The following RAD54L2 variants were observed in gnomAD, a reference collection of about 807,000 sequenced individuals.
The protein encoded by RAD54L2 is RAD54 like 2.
A neutral mutation model predicts 138.4 loss-of-function variants in RAD54L2; 27 were observed. The ratio of observed to expected loss-of-function variants is 0.20; its 90% CI spans 0.14 to 0.27. The LOEUF (loss-of-function observed/expected upper bound fraction) is 0.27. Among genes scored for constraint, RAD54L2 ranks in the 10% least tolerant of loss-of-function variants. RAD54L2 has a pLI of 1.00. For missense variants in RAD54L2, 1,396 were observed against 1,890.2 expected (o/e 0.74, Z 4.85); for synonymous variants, 644 against 723.2 (o/e 0.89, Z 1.76).
At chr3:51,580,692 G>C (rs9857893) in intron 2 of RAD54L2, among the ~76,000 whole-genome samples, 4,969 of 152,146 alleles carry the variant, frequency 0.033, 291 homozygotes, top group African/African-American at 0.11. Context: ...TGGGAACCTG[G>C]GACAGAGACC....
At chr3:51,588,289 C>T (rs185930915) in intron 2 of RAD54L2, among the ~76,000 whole-genome samples, 109 of 139,286 alleles carry the variant, frequency 7.8e-4, no homozygotes, top group African/African-American at 2.6e-3. Flanking sequence ...AATCCCAGCA[C>T]TTTGGGAGGC....
rs769771826 is a variant in RAD54L2, at chr3:51,638,274, G to A, written c.1813G>A (p.Gly605Ser). The change falls in exon 12 of 23, where the codon GGT becomes AGT. Residue 605 changes from glycine to serine, a missense_variant. Physicochemically the swap from Gly to Ser is moderately conservative, Grantham distance 56. Coordinates refer to ENST00000684192, the MANE Select transcript of RAD54L2 (RefSeq NM_015106.4). This position sits in a 1 kb window ranked among gnomAD's most constrained non-coding sequence, Gnocchi z 4.3. ...TCGCTTCCGGGACTGTGGTAGCAGC[G>A]GTTGGCTGGGGCTGAACCCCCTTAA... Reference protein sequence around the residue: ...MDRFRDCGSSGWLGLNPLKAF... With the variant: ...MDRFRDCGSSSWLGLNPLKAF... The A allele has an allele frequency of 4.3e-6, 7 of 1,613,864 alleles. No homozygotes were observed. The highest frequency in any genetic ancestry group is 4.5e-5 in the East Asian group (2 of 44,896).
Position 51,666,920 on chromosome 3 carries a change from C to T in RAD54L2, c.*3500C>T, listed in dbSNP as rs994830737. Reference sequence around the variant, plus strand: ...ATTCACAACTAAATATGAAATTTCTCAATTCAGGAGCAGGAAGCAAAGTGC... The same window carrying T: ...ATTCACAACTAAATATGAAATTTCTTAATTCAGGAGCAGGAAGCAAAGTGC... On this transcript the variant is annotated 3_prime_UTR_variant, in exon 23 of 23. Transcript: ENST00000684192. The T allele has an allele frequency of 4.6e-5, 7 of 152,260 alleles. No individual in the cohort carries two copies. Among genetic ancestry groups the T allele is most frequent in the African/African-American group, 7.2e-5 (3 of 41,528 alleles). 9.4% of individuals were successfully genotyped at this position (152,260 alleles called of 1,614,324 possible).
rs373583776 is a variant in RAD54L2, at chr3:51,556,340, A to G, written c.-55+14690A>G. Among the ~76,000 whole-genome samples, 14 of 152,000 alleles carry G rather than the reference A, an allele frequency of 9.2e-5. No individual in the cohort carries two copies. The East Asian group carries it at 1.2e-3, about 13-fold the overall frequency. On this transcript the variant is annotated intron_variant, in intron 2 of 22. Coordinates refer to ENST00000684192, the MANE Select transcript of RAD54L2 (RefSeq NM_015106.4). ...ACCCAGGCTGTAGTGCAGTGGTGCA[A>G]TCTGCTCCCTATGGCCTCAACCTCC...
At chr3:51,600,917 A>G (rs1450790274) in intron 3 of RAD54L2, among the ~76,000 whole-genome samples, 5 of 151,932 alleles carry the variant, frequency 3.3e-5, no homozygotes, top group South Asian at 4.2e-4. Context: ...CAGTGAGCCA[A>G]GATCACGCCA....
chr3:51,567,744 C>T (rs1486300832), intron 2 of RAD54L2, among the ~76,000 whole-genome samples: 1 of 151,598 alleles, frequency 6.6e-6, no homozygotes, highest in Non-Finnish European at 1.5e-5. Context: ...AAAGAGTAAA[C>T]TCCAGTTGCT....
rs766166111 is a variant in RAD54L2 at position 51,554,473 on chromosome 3, G to T, written c.-55+12823G>T. Among the ~76,000 whole-genome samples, 4 of 152,022 alleles carry T rather than the reference G, an allele frequency of 2.6e-5. No individual in the cohort carries two copies. In the South Asian group the frequency reaches 8.3e-4, roughly 32 times the overall value. On this transcript the variant is annotated intron_variant, in intron 2 of 22. Coordinates refer to ENST00000684192, the MANE Select transcript of RAD54L2 (RefSeq NM_015106.4). ...CGGGAGGCAGAGGTTGCAACGAGCCGAGATGATATTATTGCACTCCAGCCT... is the reference window on the plus strand; with the variant it reads ...CGGGAGGCAGAGGTTGCAACGAGCCTAGATGATATTATTGCACTCCAGCCT...
intron 3 of RAD54L2, among the ~76,000 whole-genome samples, chr3:51,617,929 G>A (rs1700484523): frequency 6.6e-6 from 1 of 151,782 alleles, no homozygotes; most frequent in Non-Finnish European, 1.5e-5. Flanking sequence ...AATAAATAAT[G>A]TATATTTAAT....
At chr3:51,631,446 G>A (rs1700839844) in intron 7 of RAD54L2, among the ~76,000 whole-genome samples, 1 of 145,248 alleles carries the variant, frequency 6.9e-6, no homozygotes, top group Non-Finnish European at 1.5e-5. Context: ...TTTCTCCTGA[G>A]ACAGGGTCTT....
intron 19 of RAD54L2, among the ~76,000 whole-genome samples, chr3:51,647,584 G>C (rs902766931): frequency 6.6e-6 from 1 of 152,128 alleles, no homozygotes; most frequent in Non-Finnish European, 1.5e-5. Flanking sequence ...CAGGAGAATT[G>C]CTTGAATCTG....
chr3:51,591,533 T>G (rs531673777), intron 3 of RAD54L2, among the ~76,000 whole-genome samples: 3 of 152,306 alleles, frequency 2.0e-5, no homozygotes, highest in Non-Finnish European at 1.5e-5. Context: ...TCATGTGGCT[T>G]GGGAATCCGT....
chr3:51,592,157 T>C (rs1029803086), intron 3 of RAD54L2, among the ~76,000 whole-genome samples: 12 of 136,368 alleles, frequency 8.8e-5, no homozygotes, highest in African/African-American at 3.3e-4. Flanking sequence ...CTTCACCTCC[T>C]GGTTCAAGCG....
chr3:51,648,883 A>G (rs1701355715), intron 19 of RAD54L2, among the ~76,000 whole-genome samples: 1 of 152,158 alleles, frequency 6.6e-6, no homozygotes, highest in Admixed American at 6.5e-5. Flanking sequence ...TAAAAACCAG[A>G]GCACCTCTTC....
chr3:51,551,710 C>G (rs1698841622), intron 2 of RAD54L2, among the ~76,000 whole-genome samples: 1 of 151,894 alleles, frequency 6.6e-6, no homozygotes, highest in Admixed American at 6.6e-5. Context: ...GCAAAGATTA[C>G]AGGCGTGAGC....
At chr3:51,590,307 A>T in intron 2 of RAD54L2, 60 bp from the exon 3 acceptor site, 1 of 1,290,066 alleles carries the variant, frequency 7.8e-7, no homozygotes, top group Non-Finnish European at 1.0e-6. Context: ...TTTTTCTTTG[A>T]AAGACTTGTG....
At chr3:51,539,370 G>C (rs529622336) in intron 1 of RAD54L2, among the ~76,000 whole-genome samples, 23 of 152,280 alleles carry the variant, frequency 1.5e-4, no homozygotes, top group Non-Finnish European at 2.5e-4. Context: ...GAATTTGGCA[G>C]ACTGGGGTCG....
chr3:51,667,060 A>G lies in RAD54L2; in HGVS notation c.*3640A>G, dbSNP rs1360520086. Reference sequence around the variant, plus strand: ...AGGGCCCTCTGTGTGAGTCTATTCAAACCTGGCATTGCTCTGAAATTGAGT... The same window carrying G: ...AGGGCCCTCTGTGTGAGTCTATTCAGACCTGGCATTGCTCTGAAATTGAGT... On this transcript the variant is annotated 3_prime_UTR_variant, in exon 23 of 23. Coordinates refer to ENST00000684192, the MANE Select transcript of RAD54L2 (RefSeq NM_015106.4). The G allele has an allele frequency of 6.6e-6, 1 of 152,254 alleles. No homozygotes were observed. The highest frequency in any genetic ancestry group is 2.4e-5 in the African/African-American group (1 of 41,450). The allele number at this position is 152,254 out of a possible 1,614,324, so 9.4% of individuals were successfully genotyped here. A position where few individuals can be genotyped will look rare whatever the true frequency, so the allele number is the denominator to read the frequency against.
intron 2 of RAD54L2, among the ~76,000 whole-genome samples, chr3:51,585,776 A>G (rs1003611465): frequency 6.6e-6 from 1 of 152,146 alleles, no homozygotes; most frequent in African/African-American, 2.4e-5. Flanking sequence ...TGCTTTTCAG[A>G]GCGGTCCTCT....
At chr3:51,659,811 C>A (rs1478024332) in intron 21 of RAD54L2, among the ~76,000 whole-genome samples, 1 of 152,198 alleles carries the variant, frequency 6.6e-6, no homozygotes, top group Non-Finnish European at 1.5e-5. Context: ...AGAACAGTGC[C>A]TGGCACATGG....
Sources: allele counts gnomAD v4.1 joint callset (sites outside exome capture counted in the v4.1 genomes callset), GRCh38; gene constraint gnomAD v4.1.1; non-coding constraint Gnocchi (gnomAD v3.1); transcripts MANE v1.5; gene names NCBI Gene and HGNC (gene_info 2026-07-23, HGNC 2026-07-21).